The following ATP10A variants were observed in gnomAD, a reference collection of about 807,000 sequenced individuals.
ATP10A encodes the protein ATPase phospholipid transporting 10A (putative), also known as phospholipid-transporting ATPase VA.
ATP10A carries 111 observed loss-of-function variants against 147.8 expected under a neutral mutation model. The observed-to-expected ratio is 0.75, with a 90% CI of 0.64 to 0.88. The LOEUF is 0.88. Among genes scored for constraint, ATP10A ranks in the 40% least tolerant of loss-of-function variants. ATP10A has a pLI of 0.00. For synonymous variants in ATP10A, 875 were observed against 841.6 expected (o/e 1.04, Z -0.69); for missense variants, 1,927 against 1,959.0 (o/e 0.98, Z 0.31).
At chr15:25,705,311 C>A (rs1289964851) in intron 12 of ATP10A, among the ~76,000 whole-genome samples, 6 of 152,016 alleles carry the variant, frequency 3.9e-5, no homozygotes, top group African/African-American at 1.4e-4. Context: ...TGGCACACGC[C>A]TGTGGTCCCA....
At chr15:25,706,856 G>A (rs1901055638) in intron 12 of ATP10A, among the ~76,000 whole-genome samples, 1 of 152,200 alleles carries the variant, frequency 6.6e-6, no homozygotes, top group Admixed American at 6.5e-5. Flanking sequence ...GCACGTCTGG[G>A]ACAACCAGCA....
rs535458394 is a variant in ATP10A, at chr15:25,699,568, T to A, written c.2760+2348A>T. ...CACCAAATGCATGATACATAAAATT[T>A]AAAAAAAATGACCAATCAGACCAGG... On this transcript the variant is annotated intron_variant, in intron 13 of 20. Transcript: ENST00000555815. Among the ~76,000 whole-genome samples the A allele has an allele frequency of 9.9e-5, 15 of 151,958 alleles. No homozygotes were observed. The South Asian group carries it at 1.0e-3, about 11-fold the overall frequency.
rs906832564 is a variant in ATP10A, at chr15:25,783,431, G to A, written c.450-2208C>T. The stretch of plus-strand genomic sequence containing the variant: ...AGTTTGCAGAGCTAGGAAGCCACAC[G>A]CCAATTTTCTCTCTTCTATTTAATT... On this transcript the variant is annotated intron_variant, in intron 1 of 20. Transcript: ENST00000555815. 2.6e-5 allele frequency among the ~76,000 whole-genome samples: 4 copies of A among 151,486 alleles called. No homozygotes were observed. The East Asian group carries it at 7.8e-4, about 30-fold the overall frequency.
At chr15:25,821,507 G>A (rs1299412132) in intron 1 of ATP10A, among the ~76,000 whole-genome samples, 1 of 152,156 alleles carries the variant, frequency 6.6e-6, no homozygotes, top group Admixed American at 6.5e-5. Flanking sequence ...TGCCTTAAAG[G>A]AAAGATCAAA....
intron 1 of ATP10A, among the ~76,000 whole-genome samples, chr15:25,806,587 C>G (rs1301799811): frequency 1.3e-5 from 2 of 152,174 alleles, no homozygotes; most frequent in East Asian, 3.9e-4. Context: ...GCTGGGATTA[C>G]AGGTGTGAGC....
Position 25,742,560 on chromosome 15 carries a change from A to G in ATP10A, c.655-6419T>C, listed in dbSNP as rs1887631038. Among the ~76,000 whole-genome samples, 2 of 152,226 alleles carry G rather than the reference A, an allele frequency of 1.3e-5. 1 individual carries two copies. The highest frequency in any genetic ancestry group is 4.1e-4 in the South Asian group (2 of 4,824). On this transcript the variant is annotated intron_variant, in intron 2 of 20. Transcript: ENST00000555815. ...GCCTCGGTAGATGGTGGCAAAATTC[A>G]AAGGCTCACAGTGCGGGGTTAGAGT...
intron 1 of ATP10A, among the ~76,000 whole-genome samples, chr15:25,853,612 G>A (rs1893382290): frequency 6.6e-6 from 1 of 152,078 alleles, no homozygotes; most frequent in Admixed American, 6.5e-5. Context: ...AACACGTCGG[G>A]AAGGAAGTAC....
intron 1 of ATP10A, among the ~76,000 whole-genome samples, chr15:25,792,228 G>T (rs1890459007): frequency 6.6e-6 from 1 of 152,318 alleles, no homozygotes; most frequent in South Asian, 2.1e-4. Flanking sequence ...ACCCCACATG[G>T]CATGGTAGTA....
chr15:25,714,216 G>A lies in ATP10A; in HGVS notation c.1802C>T (p.Ser601Phe), dbSNP rs745958235. 6 of 1,600,604 alleles carry A rather than the reference G, an allele frequency of 3.7e-6. No individual in the cohort carries two copies. The highest frequency in any genetic ancestry group is 5.1e-6 in the Non-Finnish European group (6 of 1,179,940). Residue 601 changes from serine (S) to phenylalanine (F), a missense_variant, in exon 10 of 21, where the codon TCC becomes TTC. Ser to Phe is a radical substitution (Grantham distance 155, BLOSUM62 -2). Transcript: ENST00000555815. ...TKVRVRFELK[S>F]PVKTIEDFLR... Reference sequence around the variant, plus strand: ...GAAGTCTTCTATCGTCTTCACCGGGGACTTCAGCTCAAACCTCACCCTCAC... The same window carrying A: ...GAAGTCTTCTATCGTCTTCACCGGGAACTTCAGCTCAAACCTCACCCTCAC...
intron 15 of ATP10A, among the ~76,000 whole-genome samples, chr15:25,690,751 G>A (rs560497643): frequency 1.3e-5 from 2 of 152,312 alleles, no homozygotes; most frequent in South Asian, 4.1e-4. Context: ...TGTGCAAGGT[G>A]CCACACTGGG....
At position 25,679,436 on chromosome 15, in the gene ATP10A, G is replaced by C. The variant is rs147041252; in HGVS notation, c.4405C>G (p.Arg1469Gly). Residue 1469 changes from arginine to glycine, a missense_variant, in exon 21 of 21, where the codon CGT becomes GGT. By Grantham distance (125) the Arg-to-Gly change is moderately radical (BLOSUM62 -2). Transcript: ENST00000555815. ...TEQLADGQAG[R>G]GLPVQPHSGR... ...GAGTGGGGCTGGACAGGAAGTCCAC[G>C]TCCCGCTTGTCCATCTGCAAGCTGC... 6.2e-6 allele frequency: 10 copies of C among 1,613,834 alleles called. No homozygotes were observed. The highest frequency in any genetic ancestry group is 3.3e-5 in the Admixed American group (2 of 60,002).
chr15:25,690,384 C>T (rs373649141), intron 15 of ATP10A, among the ~76,000 whole-genome samples: 18 of 152,280 alleles, frequency 1.2e-4, no homozygotes, highest in African/African-American at 4.3e-4. Flanking sequence ...GCTGGGACTA[C>T]AGGCATGGGC....
chr15:25,704,110 G>A (rs1456039117), intron 12 of ATP10A, among the ~76,000 whole-genome samples: 2 of 152,214 alleles, frequency 1.3e-5, no homozygotes, highest in Non-Finnish European at 2.9e-5. Flanking sequence ...TAGTAGGGGG[G>A]CAGACTGTGT....
intron 12 of ATP10A, among the ~76,000 whole-genome samples, chr15:25,703,784 G>A (rs1468434729): frequency 1.3e-5 from 2 of 152,228 alleles, no homozygotes; most frequent in East Asian, 3.9e-4. Context: ...CCCCCTCAGG[G>A]GCAAGTGGCT....
Position 25,716,052 on chromosome 15 carries a change from C to A in ATP10A, c.1776+678G>T, listed in dbSNP as rs141292954. On this transcript the variant is annotated intron_variant, in intron 9 of 20. Transcript: ENST00000555815. ...CCTTAATGTCAGACTGAACCAAAAC[C>A]AATTTGAGCATTGCTATATTTCCAG... is the stretch of plus-strand genomic sequence containing the variant. Among the ~76,000 whole-genome samples the A allele has an allele frequency of 4.7e-4, 71 of 152,334 alleles. No homozygotes were observed. In the East Asian group the frequency reaches 0.013, roughly 28 times the overall value.
intron 1 of ATP10A, among the ~76,000 whole-genome samples, chr15:25,795,111 T>C (rs1217650140): frequency 6.6e-6 from 1 of 152,216 alleles, no homozygotes; most frequent in Non-Finnish European, 1.5e-5. Context: ...TGTTTTTTCT[T>C]TGGGAAAATT....
chr15:25,804,910 T>C (rs993110992), intron 1 of ATP10A, among the ~76,000 whole-genome samples: 37 of 152,360 alleles, frequency 2.4e-4, no homozygotes, highest in Middle Eastern at 3.4e-3. Context: ...ATTTTAAACA[T>C]TGGCATTTTA....
chr15:25,808,625 C>T (rs1891298302), intron 1 of ATP10A, among the ~76,000 whole-genome samples: 1 of 152,192 alleles, frequency 6.6e-6, no homozygotes. Context: ...CTCAGGTGAT[C>T]CACCCGCCTC....
intron 1 of ATP10A, among the ~76,000 whole-genome samples, chr15:25,805,176 G>A (rs1891125823): frequency 6.6e-6 from 1 of 152,196 alleles, no homozygotes; most frequent in African/African-American, 2.4e-5. Flanking sequence ...GCTGCACCCA[G>A]TGATCCTTCT....
Sources: gnomAD v4.1 joint callset for allele counts (sites outside exome capture counted in the v4.1 genomes callset) on GRCh38, gnomAD v4.1.1 for gene constraint, MANE v1.5 for transcripts, NCBI Gene and HGNC (gene_info 2026-07-23, HGNC 2026-07-21) for gene names.